Variants in XDH observed in about 807,000 individuals in gnomAD.
XDH encodes xanthine dehydrogenase/oxidase.
In XDH, 138 loss-of-function variants were observed where a neutral mutation model predicts 156.1. The ratio of observed to expected loss-of-function variants is 0.88; its 90% CI spans 0.77 to 1.02. XDH has a LOEUF of 1.02. XDH is among the 50% of genes least tolerant of loss of function. XDH has a pLI of 0.00. For missense variants in XDH, 1,849 were observed against 1,684.9 expected (o/e 1.10, Z -1.71); for synonymous variants, 669 against 625.7 (o/e 1.07, Z -1.03).
rs376544867 is a variant in XDH, at chr2:31,352,143, A to G, written c.2632-1920T>C. 1.6e-4 allele frequency among the ~76,000 whole-genome samples: 25 copies of G among 152,098 alleles called. No individual in the cohort carries two copies. In the South Asian group the frequency reaches 3.3e-3, roughly 20 times the overall value. ...TTTGGACCTCTTGAACTGATCCTCA[A>G]AATTTTTTTGTATTTTCTCTATTTT... On this transcript the variant is annotated intron_variant, in intron 24 of 35. Transcript: ENST00000379416.
At chr2:31,374,409 A>G (rs1686169350) in intron 15 of XDH, among the ~76,000 whole-genome samples, 1 of 152,228 alleles carries the variant, frequency 6.6e-6, no homozygotes, top group Non-Finnish European at 1.5e-5. Context: ...TTAGAAAATA[A>G]TATATCCACA....
Position 31,350,213 on chromosome 2 carries a change from C to G in XDH, c.2642G>C (p.Arg881Pro), listed in dbSNP as rs759322927. The change falls in exon 25 of 36, where the codon CGA becomes CCA. Residue 881 changes from arginine to proline, a missense_variant. Arg to Pro is a moderately radical substitution (Grantham distance 103, BLOSUM62 -2). Transcript: ENST00000379416. ...TQDLSQSIME[R>P]ALFHMDNCYK... is the part of the protein sequence containing the mutation. Reference sequence around the variant, plus strand: ...GCAGTTGTCCATGTGGAATAAAGCTCGTTCCATAATCTGAAGCAGAGGAAA... The same window carrying G: ...GCAGTTGTCCATGTGGAATAAAGCTGGTTCCATAATCTGAAGCAGAGGAAA... 1.2e-6 allele frequency: 2 copies of G among 1,614,066 alleles called. No homozygotes were observed. The highest frequency in any genetic ancestry group is 1.7e-6 in the Non-Finnish European group (2 of 1,180,016).
At chr2:31,410,004 T>C (rs929843826) in intron 1 of XDH, among the ~76,000 whole-genome samples, 3 of 152,210 alleles carry the variant, frequency 2.0e-5, no homozygotes, top group Admixed American at 6.5e-5. Context: ...CATCAATAGA[T>C]GAATGGATAA....
chr2:31,383,942 G>T, intron 9 of XDH, 95 bp from the exon 10 acceptor site: 1 of 1,055,636 alleles, frequency 9.5e-7, no homozygotes, highest in Non-Finnish European at 1.4e-6. Context: ...CAGGATATAT[G>T]ACATATCCAC....
At chr2:31,338,563 T>C (rs1378619939) in intron 34 of XDH, among the ~76,000 whole-genome samples, 1 of 152,144 alleles carries the variant, frequency 6.6e-6, no homozygotes, top group African/African-American at 2.4e-5. Flanking sequence ...GATGAGCAAA[T>C]GGATGTTTCT....
intron 24 of XDH, 102 bp from the exon 25 acceptor site, chr2:31,350,325 T>A: frequency 2.2e-6 from 2 of 892,546 alleles, no homozygotes; most frequent in Non-Finnish European, 3.5e-6. Context: ...GCCTTTCCCC[T>A]CTGCACCCAA....
At chr2:31,352,717 T>G (rs1220972826) in intron 24 of XDH, among the ~76,000 whole-genome samples, 2 of 152,178 alleles carry the variant, frequency 1.3e-5, no homozygotes, top group Non-Finnish European at 2.9e-5. Flanking sequence ...AAAGCATGTC[T>G]TATACTTGAA....
At chr2:31,346,048 T>G (rs45444396) in intron 30 of XDH, among the ~76,000 whole-genome samples, 2,863 of 152,286 alleles carry the variant, frequency 0.019, 85 homozygotes, top group African/African-American at 0.064. Context: ...GAGGAAGATT[T>G]CTAGTGAGCC....
chr2:31,338,714 C>CTTTT lies in XDH; in HGVS notation c.3774+771_3774+774dup, dbSNP rs57389753. Among the ~76,000 whole-genome samples, 38 of 62,152 alleles carry CTTTT rather than the reference C, an allele frequency of 6.1e-4. 2 individuals are homozygous for CTTTT. Among genetic ancestry groups the CTTTT allele is most frequent in the African/African-American group, 9.3e-4 (13 of 14,054 alleles). The allele number at this position is 62,152 out of a possible 152,430, so 40.8% of individuals were successfully genotyped here. A position where few individuals can be genotyped will look rare whatever the true frequency, so the allele number is the denominator to read the frequency against. ...CAATCCTCCAGGCATCTGACCAAGT[C>CTTTT]TTTTTTTTTTTTTTTTTTTTTTTTT... On this transcript the variant is annotated intron_variant, in intron 34 of 35. Transcript: ENST00000379416.
intron 2 of XDH, 51 bp from the exon 3 acceptor site, chr2:31,403,195 G>C: frequency 2.5e-6 from 4 of 1,593,988 alleles, no homozygotes; most frequent in Non-Finnish European, 3.4e-6. Context: ...GAGTCTGCTG[G>C]GTTGCTAGGA....
chr2:31,407,990 T>G (rs888592978), intron 1 of XDH, among the ~76,000 whole-genome samples: 2 of 152,156 alleles, frequency 1.3e-5, no homozygotes, highest in Non-Finnish European at 2.9e-5. Context: ...CACCACATTG[T>G]TCATTTCTCC....
At chr2:31,394,739 T>G (rs1686857855) in intron 6 of XDH, among the ~76,000 whole-genome samples, 1 of 152,206 alleles carries the variant, frequency 6.6e-6, no homozygotes, top group Non-Finnish European at 1.5e-5. Flanking sequence ...TTCACTTCCT[T>G]TTCTCTGTTT....
chr2:31,378,112 AAGGAAGGAAGG>A (rs1558696665), intron 13 of XDH, among the ~76,000 whole-genome samples: 566 of 31,384 alleles, frequency 0.018, 2 homozygotes, highest in South Asian at 0.037. Context: ...GAAAGAAAGG[AAGGAAGGAAGG>A]AAGGAAGGAA....
At chr2:31,346,911 G>C (rs959258538) in intron 29 of XDH, 68 bp from the exon 30 acceptor site, 1 of 1,604,214 alleles carries the variant, frequency 6.2e-7, no homozygotes, top group African/African-American at 1.3e-5. Flanking sequence ...GGCAAAACCC[G>C]AGGGCCCCAG....
At chr2:31,367,169 G>A (rs1685937111) in intron 20 of XDH, among the ~76,000 whole-genome samples, 175 bp from the exon 21 acceptor site, 1 of 152,160 alleles carries the variant, frequency 6.6e-6, no homozygotes, top group Non-Finnish European at 1.5e-5. Context: ...TTAGCTATCT[G>A]GGAGCTGAGT....
chr2:31,386,872 T>G (rs1686613048), intron 8 of XDH, among the ~76,000 whole-genome samples: 1 of 149,336 alleles, frequency 6.7e-6, no homozygotes, highest in Admixed American at 6.8e-5. Context: ...AAAGCCAGAT[T>G]CCTTGCAGTG....
chr2:31,399,226 G>C (rs374633595), intron 4 of XDH, among the ~76,000 whole-genome samples: 58 of 152,324 alleles, frequency 3.8e-4, no homozygotes, highest in African/African-American at 1.4e-3. Flanking sequence ...TTAAGTTTGA[G>C]ATTAGACATC....
At chr2:31,369,275 G>A (rs964018076) in intron 18 of XDH, among the ~76,000 whole-genome samples, 2 of 151,992 alleles carry the variant, frequency 1.3e-5, no homozygotes. Flanking sequence ...CCCAAAAGCA[G>A]TAGCTCTCAA....
rs1393334759 is a variant in XDH at position 31,337,775 on chromosome 2, A to G, written c.3817T>C (p.Phe1273Leu). Residue 1273 changes from phenylalanine to leucine, a missense_variant, in exon 35 of 36, where the codon TTT (phenylalanine) becomes CTT (leucine). Phe to Leu is a conservative substitution (Grantham distance 22). Coordinates refer to ENST00000379416, the MANE Select transcript of XDH (RefSeq NM_000379.4). ...GCACGGATGGCATCTTTGATGGCAA[A>G]GAAGATAGAAGCAGCCAGGAAGAGG... ...PPLFLAASIF[F>L]AIKDAIRAAR... The G allele has an allele frequency of 6.2e-7, 1 of 1,614,204 alleles. No homozygotes were observed. The highest frequency in any genetic ancestry group is 1.1e-5 in the South Asian group (1 of 91,084).
Sources: gnomAD v4.1 joint callset for allele counts (sites outside exome capture counted in the v4.1 genomes callset) on GRCh38, gnomAD v4.1.1 for gene constraint, MANE v1.5 for transcripts, NCBI Gene and HGNC (gene_info 2026-07-23, HGNC 2026-07-21) for gene names.